RPS6KC1: variants seen among roughly 807,000 people sequenced by gnomAD.
RPS6KC1 encodes ribosomal protein S6 kinase C1, also known as inactive ribosomal protein S6 kinase delta-1.
A neutral mutation model predicts 103.8 loss-of-function variants in RPS6KC1; 54 were observed. That is an observed-to-expected ratio of 0.52 (90% CI 0.42 to 0.65). RPS6KC1 has a LOEUF of 0.65. Ranked by LOEUF, RPS6KC1 falls within the 30% of genes least tolerant of loss-of-function variation. The pLI is 0.00. For synonymous variants in RPS6KC1, 439 were observed against 438.7 expected, an observed-to-expected ratio of 1.00 and a Z score of -0.01; for missense variants, 1,151 against 1,253.8, an observed-to-expected ratio of 0.92 and a Z score of 1.24.
chr1:213,278,683 T>C (rs6672842), downstream of RPS6KC1, among the ~76,000 whole-genome samples: 3,900 of 152,188 alleles, frequency 0.026, 132 homozygotes, highest in East Asian at 0.097. Context: ...ACAAAAGATA[T>C]GGCACCTGCC....
the RPS6KC1 span, among the ~76,000 whole-genome samples, chr1:213,422,581 T>G: frequency 6.6e-6 from 1 of 152,228 alleles, no homozygotes; most frequent in Non-Finnish European, 1.5e-5. Flanking sequence ...CTATAAAACC[T>G]TATTACTTAT....
chr1:213,107,089 G>T (rs2082576389), intron 4 of RPS6KC1, among the ~76,000 whole-genome samples: 1 of 151,976 alleles, frequency 6.6e-6, no homozygotes, highest in Non-Finnish European at 1.5e-5. Context: ...TTACAGGTGT[G>T]TGCCACCACA....
intron 8 of RPS6KC1, among the ~76,000 whole-genome samples, chr1:213,182,940 CTT>C (rs1399308032): frequency 6.7e-6 from 1 of 149,072 alleles, no homozygotes; most frequent in Admixed American, 6.7e-5. Context: ...TTTGAAGTTT[CTT>C]ATATATCATG....
the RPS6KC1 span, among the ~76,000 whole-genome samples, chr1:213,726,759 T>C: frequency 3.9e-5 from 6 of 152,228 alleles, no homozygotes; most frequent in African/African-American, 1.4e-4. Flanking sequence ...ATGATATTTT[T>C]CTACTTATGT....
At chr1:213,589,572 G>A in the RPS6KC1 span, among the ~76,000 whole-genome samples, 1 of 151,788 alleles carries the variant, frequency 6.6e-6, no homozygotes. Context: ...AACCTGGGAG[G>A]TGGAGGTTGC....
chr1:213,694,490 G>T, the RPS6KC1 span, among the ~76,000 whole-genome samples: 126 of 152,200 alleles, frequency 8.3e-4, no homozygotes, highest in African/African-American at 2.9e-3. Flanking sequence ...GATATCCTGG[G>T]GTTCAGCAGG....
intron 8 of RPS6KC1, among the ~76,000 whole-genome samples, chr1:213,227,254 C>T (rs547862639): frequency 5.2e-4 from 79 of 152,186 alleles, no homozygotes; most frequent in South Asian, 2.1e-3. Context: ...TCATTAGTAC[C>T]GACTTATTTT....
chr1:213,676,759 T>G, the RPS6KC1 span, among the ~76,000 whole-genome samples: 3 of 152,360 alleles, frequency 2.0e-5, no homozygotes, highest in East Asian at 5.8e-4. Context: ...ACTTCTTTTC[T>G]GTATACCCCA....
At chr1:213,784,277 CT>C in the RPS6KC1 span, among the ~76,000 whole-genome samples, 1 of 152,212 alleles carries the variant, frequency 6.6e-6, no homozygotes, top group Non-Finnish European at 1.5e-5. Context: ...GACTTTCTAA[CT>C]GTGTTCATGG....
intron 6 of RPS6KC1, among the ~76,000 whole-genome samples, chr1:213,130,721 T>G (rs546465596): frequency 1.6e-4 from 25 of 152,300 alleles, no homozygotes; most frequent in African/African-American, 5.8e-4. Context: ...ACTTTCAGTT[T>G]TATAAAATGG....
At chr1:213,338,382 G>A in the RPS6KC1 span, among the ~76,000 whole-genome samples, 6 of 152,110 alleles carry the variant, frequency 3.9e-5, no homozygotes, top group Admixed American at 1.3e-4. Context: ...CTTAGAGTCT[G>A]CACTTCATAG....
chr1:213,095,653 T>A (rs1558306625), intron 3 of RPS6KC1, among the ~76,000 whole-genome samples: 2 of 152,238 alleles, frequency 1.3e-5, no homozygotes, highest in African/African-American at 4.8e-5. Context: ...TATTGCAGAT[T>A]TGGTTTCAGA....
At position 213,240,925 on chromosome 1, in the gene RPS6KC1, C is replaced by G. The variant is rs1431120389; in HGVS notation, c.1449C>G (p.Asp483Glu). 3.1e-6 allele frequency: 5 copies of G among 1,613,864 alleles called. No homozygotes were observed. The Admixed American group carries it at 6.7e-5, about 22-fold the overall frequency. Residue 483 changes from aspartate (D) to glutamate (E), a missense_variant, in exon 11 of 15, where the codon GAC (aspartate) becomes GAG (glutamate). Asp to Glu is a conservative substitution (Grantham distance 45). Transcript: ENST00000366960. ...GTCTTACTCCAAGTTCTCAAGATGA[C>G]AGCAACCAGGAAGATGATGGCCAAG... ...KSSLTPSSQD[D>E]SNQEDDGQDS...
intron 3 of RPS6KC1, among the ~76,000 whole-genome samples, chr1:213,102,755 A>C (rs1212133276): frequency 6.6e-6 from 1 of 152,180 alleles, no homozygotes; most frequent in Non-Finnish European, 1.5e-5. Context: ...ATTTGGTCCT[A>C]GGCTCTATCA....
chr1:213,816,388 C>T, the RPS6KC1 span, among the ~76,000 whole-genome samples: 1 of 152,178 alleles, frequency 6.6e-6, no homozygotes, highest in South Asian at 2.1e-4. Context: ...TCTTCAGGGG[C>T]ATGGATTGCT....
chr1:213,054,677 T>A (rs2077196880), intron 1 of RPS6KC1, among the ~76,000 whole-genome samples: 1 of 152,246 alleles, frequency 6.6e-6, no homozygotes, highest in Non-Finnish European at 1.5e-5. Flanking sequence ...AAAAGAGCTT[T>A]TTCATCTTCT....
the RPS6KC1 span, among the ~76,000 whole-genome samples, chr1:213,520,321 G>C: frequency 6.6e-6 from 1 of 152,132 alleles, no homozygotes; most frequent in African/African-American, 2.4e-5. Flanking sequence ...AGAGCCAAGC[G>C]AAAGGGGAAA....
At chr1:213,204,563 T>A (rs2093277878) in intron 8 of RPS6KC1, among the ~76,000 whole-genome samples, 1 of 151,974 alleles carries the variant, frequency 6.6e-6, no homozygotes, top group Non-Finnish European at 1.5e-5. Context: ...CTGCACGTGC[T>A]GTAAGGAAAA....
chr1:213,092,499 G>A (rs186596107), intron 3 of RPS6KC1, among the ~76,000 whole-genome samples: 1 of 131,446 alleles, frequency 7.6e-6, no homozygotes, highest in Non-Finnish European at 1.6e-5. Flanking sequence ...GTGAAACCCC[G>A]TCTCTACTAA....
Sources: gnomAD v4.1 joint callset for allele counts (sites outside exome capture counted in the v4.1 genomes callset) on GRCh38, gnomAD v4.1.1 for gene constraint, MANE v1.5 for transcripts, NCBI Gene and HGNC (gene_info 2026-07-23, HGNC 2026-07-21) for gene names.